The following CLMN variants were observed in gnomAD, a reference collection of about 807,000 sequenced individuals.
The protein encoded by CLMN is calmin (calponin-like, transmembrane).
CLMN carries 57 observed loss-of-function variants against 92.7 expected under a neutral mutation model. The observed-to-expected ratio is 0.61, with a 90% CI of 0.50 to 0.77. CLMN has a LOEUF of 0.77. CLMN is among the 30% of genes least tolerant of loss of function. CLMN has a pLI of 0.00. For missense variants in CLMN, 1,158 were observed against 1,237.5 expected (o/e 0.94, Z 0.96); for synonymous variants, 466 against 470.6 (o/e 0.99, Z 0.13).
At chr14:95,258,476 A>ATATG (rs1899103931) in intron 1 of CLMN, among the ~76,000 whole-genome samples, 1 of 115,576 alleles carries the variant, frequency 8.7e-6, no homozygotes. Context: ...TGTGTGTGGT[A>ATATG]TATGCATCTG....
intron 1 of CLMN, among the ~76,000 whole-genome samples, chr14:95,258,519 G>A (rs1255522759): frequency 6.7e-6 from 1 of 150,204 alleles, no homozygotes; most frequent in Non-Finnish European, 1.5e-5. Flanking sequence ...TATGTGTGGT[G>A]TGTGATGTGT....
chr14:95,216,061 C>T (rs910202857), intron 4 of CLMN, among the ~76,000 whole-genome samples: 11 of 152,132 alleles, frequency 7.2e-5, no homozygotes, highest in African/African-American at 2.4e-4. Context: ...TGCAAAGATA[C>T]TACCTGAGAC....
At chr14:95,245,211 T>TATATATATATA (rs1898453717) in intron 1 of CLMN, among the ~76,000 whole-genome samples, 14 of 21,758 alleles carry the variant, frequency 6.4e-4, no homozygotes, top group Admixed American at 1.6e-3. Context: ...ATATATATTA[T>TATATATATATA]ATATATATAT....
At chr14:95,303,461 G>A (rs1815959903) in intron 1 of CLMN, among the ~76,000 whole-genome samples, 1 of 152,224 alleles carries the variant, frequency 6.6e-6, no homozygotes, top group African/African-American at 2.4e-5. Context: ...TTAGGGGCCG[G>A]GGAGGACCTT....
At chr14:95,226,744 T>G (rs1165593893) in intron 2 of CLMN, among the ~76,000 whole-genome samples, 1 of 152,130 alleles carries the variant, frequency 6.6e-6, no homozygotes, top group African/African-American at 2.4e-5. Flanking sequence ...TCTGGTTAAT[T>G]TTTTAAACTT....
chr14:95,199,160 AT>A (rs141036242), intron 9 of CLMN: 18,209 of 152,172 alleles, frequency 0.12, 1,575 homozygotes, highest in East Asian at 0.43. Context: ...GCCACTCCTC[AT>A]TGCTCAGATT....
chr14:95,244,723 T>C (rs1427836265), intron 1 of CLMN, among the ~76,000 whole-genome samples: 2 of 152,088 alleles, frequency 1.3e-5, no homozygotes, highest in African/African-American at 4.8e-5. Flanking sequence ...AATTTTTACG[T>C]GAAGATGAAC....
At chr14:95,192,050 T>A (rs1361267028) in intron 12 of CLMN, 1 of 224,158 alleles carries the variant, frequency 4.5e-6, no homozygotes, top group Non-Finnish European at 8.7e-6. Context: ...GGCCATGCAA[T>A]TAACTTGGCG....
Position 95,188,122 on chromosome 14 carries a change from A to G in CLMN, c.*3442T>C, listed in dbSNP as rs1180080555. ...GTCCAGGTGCCCACCTGGTGACCCT[A>G]GTGGAAAAGCTCACCAGTTGGCACA... is the stretch of plus-strand genomic sequence containing the variant. On this transcript the variant is annotated 3_prime_UTR_variant, in exon 13 of 13. Transcript: ENST00000298912. The G allele has an allele frequency of 6.6e-6, 1 of 152,222 alleles. No individual in the cohort carries two copies. Among genetic ancestry groups the G allele is most frequent in the African/African-American group, 2.4e-5 (1 of 41,456 alleles). The allele number at this position is 152,222 out of a possible 1,614,324, so 9.4% of individuals were successfully genotyped here. A position where few individuals can be genotyped will look rare whatever the true frequency, so the allele number is the denominator to read the frequency against.
At chr14:95,277,452 T>C (rs1899976897) in intron 1 of CLMN, among the ~76,000 whole-genome samples, 1 of 152,234 alleles carries the variant, frequency 6.6e-6, no homozygotes, top group African/African-American at 2.4e-5. Flanking sequence ...CTCCGCCATT[T>C]GGAAGGTGGG....
chr14:95,277,090 C>T (rs1422874521), intron 1 of CLMN, among the ~76,000 whole-genome samples: 1 of 152,144 alleles, frequency 6.6e-6, no homozygotes, highest in Admixed American at 6.5e-5. Flanking sequence ...AGGCTTCAGC[C>T]TCTCTCTGTG....
At chr14:95,282,314 T>C (rs964702883) in intron 1 of CLMN, among the ~76,000 whole-genome samples, 1 of 152,208 alleles carries the variant, frequency 6.6e-6, no homozygotes, top group Admixed American at 6.5e-5. Context: ...AACATCTCTC[T>C]GGCAGCATAT....
intron 1 of CLMN, among the ~76,000 whole-genome samples, chr14:95,244,552 C>A (rs1898384897): frequency 6.6e-6 from 1 of 152,212 alleles, no homozygotes; most frequent in Non-Finnish European, 1.5e-5. Flanking sequence ...AAACACTCTA[C>A]ATCAGATGAT....
chr14:95,234,455 G>A (rs1234999490), intron 1 of CLMN, among the ~76,000 whole-genome samples: 1 of 152,196 alleles, frequency 6.6e-6, no homozygotes, highest in African/African-American at 2.4e-5. Context: ...AAATCCAACG[G>A]CCCCTTTTTT....
Position 95,191,456 on chromosome 14 carries a change from G to A in CLMN, c.*108C>T, listed in dbSNP as rs537473523. Reference sequence around the variant, plus strand: ...CGAGAAAGGGGGTCTAAGTTTCCTCGGAGGTCCTCAACTGTCTGTAGAAGT... The same window carrying A: ...CGAGAAAGGGGGTCTAAGTTTCCTCAGAGGTCCTCAACTGTCTGTAGAAGT... On this transcript the variant is annotated 3_prime_UTR_variant, in exon 13 of 13. Coordinates refer to ENST00000298912, the MANE Select transcript of CLMN (RefSeq NM_024734.4). The surrounding 1 kb of genome is among the most constrained non-coding windows in gnomAD (Gnocchi z 5.3). The A allele has an allele frequency of 3.5e-5, 26 of 749,224 alleles. No individual in the cohort carries two copies. The highest frequency in any genetic ancestry group is 2.0e-4 in the African/African-American group (11 of 54,550). The allele number at this position is 749,224 out of a possible 1,614,324, so 46.4% of individuals were successfully genotyped here.
At chr14:95,285,252 G>A (rs556095362) in intron 1 of CLMN, among the ~76,000 whole-genome samples, 2 of 152,064 alleles carry the variant, frequency 1.3e-5, no homozygotes, top group Non-Finnish European at 2.9e-5. Context: ...CCCAGTCGTG[G>A]GTATGCCTTT....
chr14:95,235,130 C>CAT (rs995432712), intron 1 of CLMN, among the ~76,000 whole-genome samples: 2 of 152,146 alleles, frequency 1.3e-5, no homozygotes, highest in Admixed American at 6.5e-5. Flanking sequence ...CTCACACACA[C>CAT]ACACACACAG....
chr14:95,191,814 C>T lies in CLMN; in HGVS notation c.2841-82G>A. The T allele has an allele frequency of 7.2e-7, 1 of 1,398,268 alleles. No individual in the cohort carries two copies. Among genetic ancestry groups the T allele is most frequent in the East Asian group, 2.3e-5 (1 of 42,916 alleles). The allele number at this position is 1,398,268 out of a possible 1,614,324, so 86.6% of individuals were successfully genotyped here. A position where few individuals can be genotyped will look rare whatever the true frequency, so the allele number is the denominator to read the frequency against. On this transcript the variant is annotated intron_variant, in intron 12 of 12. Transcript: ENST00000298912. This position sits in a 1 kb window ranked among gnomAD's most constrained non-coding sequence, Gnocchi z 5.3. ...CCCCACCCAGTGCTACCCGTCTCTC[C>T]CCGGCCCCCACTCCCCGCCTGAAGA...
At position 95,215,025 on chromosome 14, in the gene CLMN, G is replaced by A. The variant is rs717902; in HGVS notation, c.417+616C>T. 0.039 allele frequency among the ~76,000 whole-genome samples: 5,901 copies of A among 152,116 alleles called. 561 individuals carry two copies. In the East Asian group the frequency reaches 0.41, roughly 10 times the overall value. On this transcript the variant is annotated intron_variant, in intron 5 of 12. Transcript: ENST00000298912. Reference sequence around the variant, plus strand: ...CATCTTCTGATGGGTTGATGGGTGCGGCAAACCACCATGGCACGTGTATAC... The same window carrying A: ...CATCTTCTGATGGGTTGATGGGTGCAGCAAACCACCATGGCACGTGTATAC...
Sources: allele counts gnomAD v4.1 joint callset (sites outside exome capture counted in the v4.1 genomes callset), GRCh38; gene constraint gnomAD v4.1.1; non-coding constraint Gnocchi (gnomAD v3.1); transcripts MANE v1.5; gene names NCBI Gene and HGNC (gene_info 2026-07-23, HGNC 2026-07-21).